CAMK2G: variants seen among roughly 807,000 people sequenced by gnomAD.
CAMK2G encodes the protein calcium/calmodulin dependent protein kinase II gamma.
In CAMK2G, 23 loss-of-function variants were observed where a neutral mutation model predicts 88.7. The observed-to-expected ratio is 0.26, with a 90% CI of 0.19 to 0.37. The LOEUF (loss-of-function observed/expected upper bound fraction) is 0.37. CAMK2G is among the 10% of genes least tolerant of loss of function. CAMK2G has a pLI of 1.00. For synonymous variants in CAMK2G, 263 were observed against 294.8 expected, an observed-to-expected ratio of 0.89 and a Z score of 1.11; for missense variants, 476 against 780.8, an observed-to-expected ratio of 0.61 and a Z score of 4.65.
At chr10:73,815,519 G>T (rs1017916419) in intron 21 of CAMK2G, among the ~76,000 whole-genome samples, 2 of 152,060 alleles carry the variant, frequency 1.3e-5, no homozygotes, top group African/African-American at 4.8e-5. Flanking sequence ...GGTTTTACAT[G>T]CCCGAGCTGT....
intron 4 of CAMK2G, 103 bp downstream of exon 4, chr10:73,853,089 G>T (rs1301163490): frequency 4.8e-6 from 5 of 1,045,430 alleles, no homozygotes; most frequent in Admixed American, 1.9e-5. Context: ...AAAGGAGGGG[G>T]CCCTGGGCGG....
In CAMK2G at chr10:73,839,403, T is replaced by C. The variant is rs1017757462; in HGVS notation, c.1009+136A>G. 1.2e-5 allele frequency: 5 copies of C among 430,844 alleles called. No individual in the cohort carries two copies. The highest frequency in any genetic ancestry group is 1.2e-3 in the Middle Eastern group (2 of 1,694). The allele number at this position is 430,844 out of a possible 1,614,324, so 26.7% of individuals were successfully genotyped here. Reference sequence around the variant, plus strand: ...ATGCGCTTGCAGATGCCAAGTTAGGTAGTCTGTCTGGCATGCCCATCTCAG... The same window carrying C: ...ATGCGCTTGCAGATGCCAAGTTAGGCAGTCTGTCTGGCATGCCCATCTCAG... On this transcript the variant is annotated intron_variant, in intron 13 of 22. Transcript: ENST00000423381. This position sits in a 1 kb window ranked among gnomAD's most constrained non-coding sequence, Gnocchi z 4.2.
chr10:73,870,353 G>A (rs76432423), intron 2 of CAMK2G, among the ~76,000 whole-genome samples: 3,576 of 152,288 alleles, frequency 0.023, 124 homozygotes, highest in Admixed American at 0.11. Flanking sequence ...TATGTAGACA[G>A]GCCCGCAGAC....
chr10:73,862,303 C>G (rs934572929), intron 2 of CAMK2G, among the ~76,000 whole-genome samples: 33 of 145,624 alleles, frequency 2.3e-4, no homozygotes, highest in East Asian at 8.0e-4. Context: ...CTCCACCCCC[C>G]CCCCCCCCGA....
At chr10:73,845,085 G>GT (rs776375848) in intron 10 of CAMK2G, among the ~76,000 whole-genome samples, 26 of 152,246 alleles carry the variant, frequency 1.7e-4, no homozygotes, top group Middle Eastern at 3.4e-3. Flanking sequence ...GAAGCTCACC[G>GT]TAAGAACTCA....
rs1290885064 is a variant in CAMK2G at position 73,815,123 on chromosome 10, C to T, written c.1659G>A (p.Arg553=). The change falls in exon 22 of 23, where the codon CGG becomes CGA. Residue 553 remains arginine (R), a synonymous_variant. Coordinates refer to ENST00000423381, the MANE Select transcript of CAMK2G (RefSeq NM_001367534.1). ...TCTCTTCTGACTGGCTGGTGCGAGGCCGACCCTGCCCGTCGATGTACTGGG... is the reference window on the plus strand; with the variant it reads ...TCTCTTCTGACTGGCTGGTGCGAGGTCGACCCTGCCCGTCGATGTACTGGG... The part of the protein sequence containing the change: ...RLTQYIDGQG[R]PRTSQSEETR... 6.2e-7 allele frequency: 1 copy of T among 1,614,230 alleles called. No individual in the cohort carries two copies.
intron 14 of CAMK2G, among the ~76,000 whole-genome samples, chr10:73,829,773 C>T (rs995631808): frequency 6.6e-6 from 1 of 150,558 alleles, no homozygotes; most frequent in African/African-American, 2.5e-5. Context: ...AGTGTTACTG[C>T]TTTCAGGAAG....
At chr10:73,860,706 A>G in intron 3 of CAMK2G, 124 bp downstream of exon 3, 1 of 747,882 alleles carries the variant, frequency 1.3e-6, no homozygotes, top group Non-Finnish European at 2.4e-6. Context: ...TATCCTGCTC[A>G]TGTAAAAACA....
At chr10:73,863,957 T>A (rs1355314814) in intron 2 of CAMK2G, among the ~76,000 whole-genome samples, 1 of 152,202 alleles carries the variant, frequency 6.6e-6, no homozygotes, top group Non-Finnish European at 1.5e-5. Context: ...TAACAACACA[T>A]CGGTTTTGAA....
intron 3 of CAMK2G, among the ~76,000 whole-genome samples, chr10:73,854,286 C>T (rs920487245): frequency 2.0e-5 from 3 of 152,178 alleles, no homozygotes; most frequent in South Asian, 2.1e-4. Context: ...AGCTGGCAGG[C>T]GGAATCCCTC....
At chr10:73,838,487 GA>G (rs2093461309) in intron 13 of CAMK2G, among the ~76,000 whole-genome samples, 1 of 152,224 alleles carries the variant, frequency 6.6e-6, no homozygotes, top group Non-Finnish European at 1.5e-5. Context: ...GATTATGCAT[GA>G]AAAGCACTTA....
chr10:73,874,290 G>T, intron 1 of CAMK2G, 107 bp downstream of exon 1: 1 of 644,764 alleles, frequency 1.6e-6, no homozygotes, highest in Non-Finnish European at 2.1e-6. Flanking sequence ...GGGTGGGGCG[G>T]CCGAGGGGGA....
chr10:73,835,146 T>C (rs1201075385), intron 14 of CAMK2G, among the ~76,000 whole-genome samples: 1 of 152,212 alleles, frequency 6.6e-6, no homozygotes, highest in East Asian at 1.9e-4. Context: ...GATGTTTATC[T>C]GTCTGCTCCC....
chr10:73,863,361 G>A (rs892583634), intron 2 of CAMK2G, among the ~76,000 whole-genome samples: 32 of 152,208 alleles, frequency 2.1e-4, no homozygotes, highest in African/African-American at 6.3e-4. Flanking sequence ...CTCCAGAAGC[G>A]AGGCACTCAA....
chr10:73,870,748 TG>T (rs1274465426), intron 2 of CAMK2G, among the ~76,000 whole-genome samples: 1 of 151,866 alleles, frequency 6.6e-6, no homozygotes, highest in Non-Finnish European at 1.5e-5. Context: ...CAGCGATGAG[TG>T]AAACCCAGCT....
chr10:73,820,433 C>T (rs572534660), intron 18 of CAMK2G, among the ~76,000 whole-genome samples: 25 of 145,846 alleles, frequency 1.7e-4, no homozygotes, highest in Non-Finnish European at 2.7e-4. Context: ...CAACTCATCC[C>T]AGTGTTCCCA....
chr10:73,826,103 C>G (rs772434294), intron 15 of CAMK2G, among the ~76,000 whole-genome samples: 2 of 152,176 alleles, frequency 1.3e-5, no homozygotes, highest in African/African-American at 2.4e-5. Context: ...CCCAACAGCA[C>G]CATGACCACC....
At chr10:73,837,538 T>C in intron 13 of CAMK2G, 27 bp from the exon 14 acceptor site, 1 of 1,591,008 alleles carries the variant, frequency 6.3e-7, no homozygotes, top group Non-Finnish European at 8.6e-7. Flanking sequence ...GAATATCAAG[T>C]CTCCTGCATT....
intron 22 of CAMK2G, 103 bp downstream of exon 22, chr10:73,814,899 GC>G: frequency 1.3e-6 from 1 of 746,030 alleles, no homozygotes; most frequent in Non-Finnish European, 2.2e-6. Flanking sequence ...CTCTGGGACG[GC>G]CCACACCTCC....
Sources: gnomAD v4.1 joint callset for allele counts (sites outside exome capture counted in the v4.1 genomes callset) on GRCh38, gnomAD v4.1.1 for gene constraint, Gnocchi (gnomAD v3.1) non-coding constraint, MANE v1.5 for transcripts, NCBI Gene and HGNC (gene_info 2026-07-23, HGNC 2026-07-21) for gene names.